Variants in ENO4 observed in about 807,000 individuals in gnomAD.
ENO4 encodes the protein 2-phospho-D-glycerate hydro-lyase.
ENO4 carries 53 observed loss-of-function variants against 63.2 expected under a neutral mutation model. The observed-to-expected ratio is 0.84, with a 90% CI of 0.67 to 1.05. The LOEUF (loss-of-function observed/expected upper bound fraction) is 1.05. Among genes scored for constraint, ENO4 ranks in the 50% least tolerant of loss-of-function variants. The probability of loss-of-function intolerance (pLI) is 0.00; values close to 1 mark genes in which losing one functional copy is unlikely to be tolerated. For missense variants in ENO4, 719 were observed against 772.0 expected (o/e 0.93, Z 0.81); for synonymous variants, 266 against 283.8 (o/e 0.94, Z 0.63).
intron 9 of ENO4, among the ~76,000 whole-genome samples, chr10:116,872,470 G>A (rs941849963): frequency 2.0e-5 from 3 of 152,012 alleles, no homozygotes; most frequent in African/African-American, 7.3e-5. Context: ...CACTAGATCT[G>A]ATGGTTTTAT....
chr10:116,884,812 G>T (rs1418032935), downstream of ENO4: 2 of 155,630 alleles, frequency 1.3e-5, no homozygotes, highest in African/African-American at 4.8e-5. Flanking sequence ...GAAACTATTG[G>T]TGCCTTTTTA....
At chr10:116,899,761 T>C (rs1847665444) in intron 10 of ENO4, among the ~76,000 whole-genome samples, 1 of 152,198 alleles carries the variant, frequency 6.6e-6, no homozygotes, top group African/African-American at 2.4e-5. Context: ...TACTTATTAA[T>C]TGCTGACCCG....
At chr10:116,870,277 C>A (rs1564850265) in intron 8 of ENO4, among the ~76,000 whole-genome samples, 1 of 152,310 alleles carries the variant, frequency 6.6e-6, no homozygotes, top group African/African-American at 2.4e-5. Flanking sequence ...TCAAGGCTGA[C>A]TTTGCAGTAG....
In ENO4 at chr10:116,911,592, A is replaced by C. The variant is rs899829896; in HGVS notation, c.*20A>C. Reference sequence around the variant, plus strand: ...GTGTAACCACTCTTTTAGAACAAAAACAGCACAGTGTTATTTGAAAAATTA... The same window carrying C: ...GTGTAACCACTCTTTTAGAACAAAACCAGCACAGTGTTATTTGAAAAATTA... On this transcript the variant is annotated 3_prime_UTR_variant, in exon 11 of 11. Coordinates refer to the ENO4 transcript ENST00000369207. 3.9e-6 allele frequency: 6 copies of C among 1,551,196 alleles called. No individual in the cohort carries two copies. The South Asian group carries it at 4.8e-5, about 12-fold the overall frequency.
chr10:116,895,958 CAA>C (rs557354988), intron 10 of ENO4, among the ~76,000 whole-genome samples: 5 of 152,122 alleles, frequency 3.3e-5, no homozygotes, highest in Non-Finnish European at 5.9e-5. Context: ...AACACAGAAG[CAA>C]ATTCCAAAAC....
intron 10 of ENO4, among the ~76,000 whole-genome samples, chr10:116,890,184 T>C (rs1412869463): frequency 1.1e-5 from 1 of 91,270 alleles, no homozygotes; most frequent in Admixed American, 1.1e-4. Flanking sequence ...TCTACTTTAA[T>C]GCAACCTCTA....
chr10:116,889,780 C>T (rs1250389434), intron 10 of ENO4, among the ~76,000 whole-genome samples: 2 of 152,194 alleles, frequency 1.3e-5, no homozygotes, highest in South Asian at 2.1e-4. Flanking sequence ...TTTCCGAATC[C>T]GTTTCCATCT....
intron 10 of ENO4, chr10:116,906,486 AC>A: frequency 1.4e-6 from 1 of 729,866 alleles, no homozygotes; most frequent in Non-Finnish European, 2.1e-6. Context: ...AAATATCTTT[AC>A]CCATCCCATA....
At chr10:116,883,527 G>C (rs1054777713), downstream of ENO4, 3 of 152,184 alleles carry the variant, frequency 2.0e-5, no homozygotes, top group Admixed American at 1.3e-4. Context: ...GTTCCACAAC[G>C]AGTGTAACTG....
chr10:116,871,873 T>G (rs1219211250), intron 9 of ENO4, among the ~76,000 whole-genome samples: 1 of 152,162 alleles, frequency 6.6e-6, no homozygotes, highest in African/African-American at 2.4e-5. Context: ...AGAAAGATTC[T>G]AAAGAGAGTG....
intron 6 of ENO4, 31 bp downstream of exon 6, chr10:116,861,221 TAAAAAA>T (rs56177931): frequency 1.2e-4 from 36 of 295,840 alleles, no homozygotes; most frequent in Non-Finnish European, 1.6e-4. Flanking sequence ...TTACCTTTTC[TAAAAAA>T]AAAAAAAAAA....
intron 10 of ENO4, among the ~76,000 whole-genome samples, chr10:116,909,949 A>G (rs2627193): frequency 0.96 from 146,040 of 152,186 alleles, 70,373 homozygotes; most frequent in East Asian, 1. Context: ...TTCGTGTTCC[A>G]TCTTAATTGT....
intron 8 of ENO4, among the ~76,000 whole-genome samples, chr10:116,869,795 A>G (rs1564850042): frequency 6.6e-6 from 1 of 152,300 alleles, no homozygotes; most frequent in East Asian, 1.9e-4. Flanking sequence ...GAAACAGTCT[A>G]GAGTATAGAT....
chr10:116,900,493 G>A, intron 10 of ENO4: 1 of 1,468,730 alleles, frequency 6.8e-7, no homozygotes, highest in Non-Finnish European at 9.2e-7. Flanking sequence ...GAGAACAAAA[G>A]GCAGACAAAA....
downstream of ENO4, among the ~76,000 whole-genome samples, chr10:116,886,993 G>T (rs924876738): frequency 2.6e-5 from 4 of 152,004 alleles, no homozygotes; most frequent in Non-Finnish European, 4.4e-5. Context: ...TGGTTGCAGG[G>T]TAGTGCTGAG....
intron 10 of ENO4, 55 bp from the exon 11 acceptor site, chr10:116,876,010 G>C (rs2133277493): frequency 7.6e-7 from 1 of 1,314,060 alleles, no homozygotes; most frequent in Admixed American, 3.0e-5. Flanking sequence ...TATTCCTGTT[G>C]TTTTGTAATT....
intron 10 of ENO4, among the ~76,000 whole-genome samples, chr10:116,896,645 C>T (rs536536665): frequency 3.3e-5 from 5 of 152,246 alleles, no homozygotes; most frequent in African/African-American, 1.2e-4. Context: ...AAATGGGTCA[C>T]GTCATCTTTT....
intron 11 of ENO4, among the ~76,000 whole-genome samples, chr10:116,878,382 C>T (rs376415041): frequency 3.9e-5 from 6 of 152,152 alleles, no homozygotes; most frequent in Non-Finnish European, 7.4e-5. Flanking sequence ...ATGCAAACAC[C>T]GTTGCTGCAG....
chr10:116,863,607 G>A (rs1424718446), intron 7 of ENO4, among the ~76,000 whole-genome samples: 1 of 152,178 alleles, frequency 6.6e-6, no homozygotes. Context: ...AGGCTTTTAA[G>A]CTGCATGATT....
Sources: allele counts gnomAD v4.1 joint callset (sites outside exome capture counted in the v4.1 genomes callset), GRCh38; gene constraint gnomAD v4.1.1; transcripts MANE v1.5; gene names NCBI Gene and HGNC (gene_info 2026-07-23, HGNC 2026-07-21).